The following PCDHGB7 variants were observed in gnomAD, a reference collection of about 807,000 sequenced individuals.
PCDHGB7 encodes protocadherin gamma-B7.
In PCDHGB7, 37 loss-of-function variants were observed where a neutral mutation model predicts 61.4. That is an observed-to-expected ratio of 0.60 (90% CI 0.46 to 0.79). The LOEUF (loss-of-function observed/expected upper bound fraction) is 0.79, where lower values mean the gene tolerates loss of function less well. Among genes scored for constraint, PCDHGB7 ranks in the 30% least tolerant of loss-of-function variants. PCDHGB7 has a pLI of 0.00. For missense variants in PCDHGB7, 1,166 were observed against 1,202.5 expected, an observed-to-expected ratio of 0.97 and a Z score of 0.45; for synonymous variants, 464 against 503.5, an observed-to-expected ratio of 0.92 and a Z score of 1.05.
At chr5:141,501,298 C>T (rs998006748) in intron 2 of PCDHGB7, among the ~76,000 whole-genome samples, 216 of 148,422 alleles carry the variant, frequency 1.5e-3, no homozygotes, top group Admixed American at 2.4e-3. Context: ...TATACACACA[C>T]ACACACACAC....
At chr5:141,470,574 CA>C (rs1369567985) in intron 1 of PCDHGB7, among the ~76,000 whole-genome samples, 1 of 152,188 alleles carries the variant, frequency 6.6e-6, no homozygotes, top group Non-Finnish European at 1.5e-5. Flanking sequence ...CAAGCAGGAT[CA>C]ACTTCATAGG....
At chr5:141,420,883 C>A (rs992351503) in intron 1 of PCDHGB7, among the ~76,000 whole-genome samples, 1 of 152,216 alleles carries the variant, frequency 6.6e-6, no homozygotes, top group Non-Finnish European at 1.5e-5. Context: ...TATTGTGTAT[C>A]ATCGTTTTTA....
intron 1 of PCDHGB7, chr5:141,428,122 G>A: frequency 6.2e-7 from 1 of 1,606,172 alleles, no homozygotes; most frequent in Non-Finnish European, 8.5e-7. Context: ...ATCGAGCCCG[G>A]GCTTTTCAGC....
rs551220443 is a variant in PCDHGB7, at chr5:141,432,206, G to A, written c.2415+11932G>A. On this transcript the variant is annotated intron_variant, in intron 1 of 3. Transcript: ENST00000398594. The surrounding 1 kb of genome is among the most constrained non-coding windows in gnomAD (Gnocchi z 6.0). ...GACCGCCCACGACCCCGACTGTGAA[G>A]AGAACGCCCAGATCACTTATTCCCT... The A allele has an allele frequency of 6.2e-7, 1 of 1,614,096 alleles. No individual in the cohort carries two copies. Among genetic ancestry groups the A allele is most frequent in the Non-Finnish European group, 8.5e-7 (1 of 1,180,042 alleles).
At chr5:141,424,245 A>T (rs1196753393) in intron 1 of PCDHGB7, 3 of 155,310 alleles carry the variant, frequency 1.9e-5, no homozygotes, top group African/African-American at 7.2e-5. Context: ...GGTGGCTGGT[A>T]ATATGCTTAG....
At chr5:141,460,425 G>A (rs953425058) in intron 1 of PCDHGB7, among the ~76,000 whole-genome samples, 3 of 152,114 alleles carry the variant, frequency 2.0e-5, no homozygotes. Flanking sequence ...TATGTATGGT[G>A]TATGGTGTGA....
Position 141,476,220 on chromosome 5 carries a change from A to G in PCDHGB7, c.2416-18587A>G, listed in dbSNP as rs770978000. On this transcript the variant is annotated intron_variant, in intron 1 of 3. Coordinates refer to ENST00000398594, the MANE Select transcript of PCDHGB7 (RefSeq NM_018927.4). This position sits in a 1 kb window ranked among gnomAD's most constrained non-coding sequence, Gnocchi z 7.6. Reference sequence around the variant, plus strand: ...AACAAGGCTTCCACGGTCATTCACTATGAGATCCCGGAGGAAAGAGAGAAG... The same window carrying G: ...AACAAGGCTTCCACGGTCATTCACTGTGAGATCCCGGAGGAAAGAGAGAAG... 44 of 1,613,884 alleles carry G rather than the reference A, an allele frequency of 2.7e-5. No individual in the cohort carries two copies. The highest frequency in any genetic ancestry group is 3.4e-5 in the Non-Finnish European group (40 of 1,180,004).
At chr5:141,426,407 C>T (rs974898367) in intron 1 of PCDHGB7, 5 of 257,632 alleles carry the variant, frequency 1.9e-5, no homozygotes, top group African/African-American at 6.6e-5. Context: ...CCAGAAGAAA[C>T]GGTCCAGGGC....
chr5:141,431,447 G>C lies in PCDHGB7; in HGVS notation c.2415+11173G>C. ...GCGCACAGGCACCGCGCGCATCCGC[G>C]TGATGGTTCTGGATGCGAACGACAA... is the stretch of plus-strand genomic sequence containing the variant. On this transcript the variant is annotated intron_variant, in intron 1 of 3. Coordinates refer to ENST00000398594, the MANE Select transcript of PCDHGB7 (RefSeq NM_018927.4). The surrounding 1 kb of genome is among the most constrained non-coding windows in gnomAD (Gnocchi z 4.8). The C allele has an allele frequency of 6.2e-7, 1 of 1,613,792 alleles. No individual in the cohort carries two copies. Among genetic ancestry groups the C allele is most frequent in the Non-Finnish European group, 8.5e-7 (1 of 1,180,014 alleles).
At chr5:141,468,797 C>A (rs191599825) in intron 1 of PCDHGB7, among the ~76,000 whole-genome samples, 1 of 151,770 alleles carries the variant, frequency 6.6e-6, no homozygotes, top group East Asian at 1.9e-4. Context: ...ACCCGGGAGG[C>A]GGAACTTGCA....
At chr5:141,464,300 A>T (rs1349155102) in intron 1 of PCDHGB7, among the ~76,000 whole-genome samples, 2 of 149,898 alleles carry the variant, frequency 1.3e-5, no homozygotes, top group African/African-American at 4.9e-5. Flanking sequence ...ACTCCATTGT[A>T]TGTGCACATA....
intron 1 of PCDHGB7, among the ~76,000 whole-genome samples, chr5:141,483,648 T>TTGTGTGTG (rs111458813): frequency 0.019 from 2,886 of 149,692 alleles, 51 homozygotes; most frequent in African/African-American, 0.054. Flanking sequence ...GGGTGTGTGT[T>TTGTGTGTG]TGTGTGTGTG....
intron 1 of PCDHGB7, chr5:141,433,267 C>T (rs1462399366): frequency 7.7e-7 from 1 of 1,305,096 alleles, no homozygotes; most frequent in Non-Finnish European, 1.1e-6. Context: ...GATCATAGCT[C>T]ACTGCAGCCT....
chr5:141,490,497 C>T lies in PCDHGB7; in HGVS notation c.2416-4310C>T. 8 of 1,614,196 alleles carry T rather than the reference C, an allele frequency of 5.0e-6. No individual in the cohort carries two copies. Among genetic ancestry groups the T allele is most frequent in the Non-Finnish European group, 6.8e-6 (8 of 1,180,038 alleles). ...CTTTGGACCGGGAGGCCACATCCCACTATATCATCGAGCTGCTGGCCAGCG... is the reference window on the plus strand; with the variant it reads ...CTTTGGACCGGGAGGCCACATCCCATTATATCATCGAGCTGCTGGCCAGCG... On this transcript the variant is annotated intron_variant, in intron 1 of 3. Transcript: ENST00000398594. The surrounding 1 kb of genome is among the most constrained non-coding windows in gnomAD (Gnocchi z 5.4).
intron 1 of PCDHGB7, among the ~76,000 whole-genome samples, chr5:141,462,382 C>T (rs80320684): frequency 0.016 from 2,433 of 152,148 alleles, 70 homozygotes; most frequent in African/African-American, 0.055. Flanking sequence ...CTTTTAAATT[C>T]GTTAACATTT....
chr5:141,428,117 G>A lies in PCDHGB7; in HGVS notation c.2415+7843G>A, dbSNP rs980705077. 5 of 1,606,984 alleles carry A rather than the reference G, an allele frequency of 3.1e-6. No individual in the cohort carries two copies. The African/African-American group carries it at 6.7e-5, about 21-fold the overall frequency. Reference sequence around the variant, plus strand: ...CCTACCACGTGCTGCAGGCCATCGAGCCCGGGCTTTTCAGCCTGGGGCTGC... The same window carrying A: ...CCTACCACGTGCTGCAGGCCATCGAACCCGGGCTTTTCAGCCTGGGGCTGC... On this transcript the variant is annotated intron_variant, in intron 1 of 3. Coordinates refer to ENST00000398594, the MANE Select transcript of PCDHGB7 (RefSeq NM_018927.4).
chr5:141,485,221 C>G lies in PCDHGB7; in HGVS notation c.2416-9586C>G. ...GGACAGAAATCTGGCGGTGGGCTACCCTTTTGTTCCTCTTTTACCACCTGG... is the reference window on the plus strand; with the variant it reads ...GGACAGAAATCTGGCGGTGGGCTACGCTTTTGTTCCTCTTTTACCACCTGG... On this transcript the variant is annotated intron_variant, in intron 1 of 3. Transcript: ENST00000398594. The surrounding 1 kb of genome is among the most constrained non-coding windows in gnomAD (Gnocchi z 5.7). The G allele has an allele frequency of 6.2e-7, 1 of 1,614,118 alleles. No individual in the cohort carries two copies. Among genetic ancestry groups the G allele is most frequent in the Non-Finnish European group, 8.5e-7 (1 of 1,180,010 alleles).
In PCDHGB7 at chr5:141,487,470, G is replaced by C; in HGVS notation, c.2416-7337G>C. ...GACCCTATCAAGTTTGTTGATGTGG[G>C]AGGCCACTCTCATGGCTGTACACCC... On this transcript the variant is annotated intron_variant, in intron 1 of 3. Coordinates refer to ENST00000398594, the MANE Select transcript of PCDHGB7 (RefSeq NM_018927.4). The surrounding 1 kb of genome is among the most constrained non-coding windows in gnomAD (Gnocchi z 5.0). The C allele has an allele frequency of 1.9e-6, 3 of 1,614,162 alleles. No individual in the cohort carries two copies. Among genetic ancestry groups the C allele is most frequent in the South Asian group, 1.1e-5 (1 of 91,084 alleles).
intron 1 of PCDHGB7, among the ~76,000 whole-genome samples, chr5:141,469,206 A>T (rs752389937): frequency 6.6e-6 from 1 of 150,920 alleles, no homozygotes; most frequent in African/African-American, 2.4e-5. Flanking sequence ...AGCCTTTTGA[A>T]GTTGAGGCTT....
Sources: allele counts gnomAD v4.1 joint callset (sites outside exome capture counted in the v4.1 genomes callset), GRCh38; gene constraint gnomAD v4.1.1; non-coding constraint Gnocchi (gnomAD v3.1); transcripts MANE v1.5; gene names NCBI Gene and HGNC (gene_info 2026-07-23, HGNC 2026-07-21).